The following KIF1B variants were observed in gnomAD, a reference collection of about 807,000 sequenced individuals.
KIF1B encodes the protein kinesin family member 1B, also known as kinesin-like protein KIF1B.
Under a neutral mutation model 241.9 loss-of-function variants are expected in KIF1B, and 76 were observed. The observed-to-expected ratio is 0.31, with a 90% confidence interval of 0.26 to 0.38. KIF1B has a LOEUF of 0.38. Among genes scored for constraint, KIF1B ranks in the 10% least tolerant of loss-of-function variants. The pLI, the probability that KIF1B is intolerant of heterozygous loss-of-function variation, is 1.00. For synonymous variants in KIF1B, 750 were observed against 796.7 expected, an observed-to-expected ratio of 0.94 and a Z score of 0.99; for missense variants, 1,622 against 2,271.4, an observed-to-expected ratio of 0.71 and a Z score of 5.81.
At chr1:10,357,982 C>T (rs1034540616) in intron 38 of KIF1B, among the ~76,000 whole-genome samples, 13 of 151,668 alleles carry the variant, frequency 8.6e-5, no homozygotes, top group Non-Finnish European at 2.9e-5. Context: ...GCACTCCAGC[C>T]TGGGTGACAA....
chr1:10,370,335 A>G (rs1168103225), intron 44 of KIF1B, among the ~76,000 whole-genome samples: 1 of 152,112 alleles, frequency 6.6e-6, no homozygotes, highest in African/African-American at 2.4e-5. Flanking sequence ...GTCAAGGTCG[A>G]TGGATCTCTT....
chr1:10,217,612 C>G (rs1646786583), intron 1 of KIF1B, among the ~76,000 whole-genome samples: 1 of 152,082 alleles, frequency 6.6e-6, no homozygotes, highest in Admixed American at 6.6e-5. Flanking sequence ...CCACCGCACC[C>G]AGCTGCTCTT....
chr1:10,317,182 G>A (rs913179352), intron 22 of KIF1B, among the ~76,000 whole-genome samples: 9 of 151,622 alleles, frequency 5.9e-5, no homozygotes, highest in South Asian at 2.1e-4. Context: ...CCCCATGCCT[G>A]GTAATTAGCT....
chr1:10,330,975 G>A (rs535881869), intron 27 of KIF1B, among the ~76,000 whole-genome samples: 18 of 152,100 alleles, frequency 1.2e-4, no homozygotes, highest in Non-Finnish European at 2.1e-4. Context: ...AATCAAAGGC[G>A]TGAGGCTGGG....
At position 10,326,063 on chromosome 1, in the gene KIF1B, A is replaced by C. The variant is rs377005925; in HGVS notation, c.2676-48A>C. ...CCTATTGCTTCCTGTTTAACCAACT[A>C]TTCCTCTCTCCCTGGCTGTGTTAAT... On this transcript the variant is annotated intron_variant, in intron 26 of 48. Coordinates refer to ENST00000676179, the MANE Select transcript of KIF1B (RefSeq NM_001365951.3). This position sits in a 1 kb window ranked among gnomAD's most constrained non-coding sequence, Gnocchi z 5.2. 12 of 1,611,488 alleles carry C rather than the reference A, an allele frequency of 7.4e-6. No individual in the cohort carries two copies. The highest frequency in any genetic ancestry group is 1.0e-5 in the Non-Finnish European group (12 of 1,179,618).
At chr1:10,260,855 G>A (rs184386161) in intron 4 of KIF1B, among the ~76,000 whole-genome samples, 10 of 145,814 alleles carry the variant, frequency 6.9e-5, no homozygotes, top group African/African-American at 2.5e-4. Flanking sequence ...CAACAAGAGT[G>A]AAACTCGGTC....
intron 22 of KIF1B, chr1:10,308,373 G>A: frequency 2.9e-6 from 3 of 1,050,748 alleles, no homozygotes; most frequent in African/African-American, 1.7e-5. Flanking sequence ...AACCACTTTT[G>A]ATTGTGAAAT....
intron 16 of KIF1B, among the ~76,000 whole-genome samples, chr1:10,291,439 G>A (rs559007391): frequency 2.0e-5 from 3 of 152,060 alleles, no homozygotes; most frequent in Non-Finnish European, 2.9e-5. Context: ...GGCCAGGCGC[G>A]GTGGCTCACG....
intron 22 of KIF1B, among the ~76,000 whole-genome samples, chr1:10,316,416 T>C (rs1457726152): frequency 4.0e-5 from 6 of 151,724 alleles, no homozygotes; most frequent in East Asian, 1.9e-4. Flanking sequence ...TAAATAGATA[T>C]CTGGGCATGG....
At chr1:10,371,108 G>A (rs1638720169) in intron 44 of KIF1B, 33 bp from the exon 45 acceptor site, 1 of 1,613,946 alleles carries the variant, frequency 6.2e-7, no homozygotes, top group African/African-American at 1.3e-5. Flanking sequence ...TTTTTCAGCT[G>A]AATGTAACTT....
intron 2 of KIF1B, among the ~76,000 whole-genome samples, chr1:10,233,442 T>A (rs1045572144): frequency 5.3e-5 from 8 of 152,096 alleles, no homozygotes; most frequent in Admixed American, 3.3e-4. Flanking sequence ...TTCATGTCAC[T>A]GCACTCCAGA....
In KIF1B at chr1:10,296,645, A is replaced by G; in HGVS notation, c.1841A>G (p.Gln614Arg). The change falls in exon 20 of 49, where the codon CAG becomes CGG. Residue 614 changes from glutamine to arginine, a missense_variant. Gln to Arg is a conservative substitution (Grantham distance 43). Transcript: ENST00000676179. ...ETYVNGKRVS[Q>R]PVQLRSGNRI... ...TACGTAAATGGCAAGAGGGTGTCCC[A>G]GCCTGTTCAGCTGCGCTCAGGTGAG... 6.2e-7 allele frequency: 1 copy of G among 1,614,014 alleles called. No individual in the cohort carries two copies. The highest frequency in any genetic ancestry group is 2.2e-5 in the East Asian group (1 of 44,876).
intron 1 of KIF1B, among the ~76,000 whole-genome samples, chr1:10,226,260 T>C (rs1406622342): frequency 6.6e-6 from 1 of 152,134 alleles, no homozygotes; most frequent in African/African-American, 2.4e-5. Flanking sequence ...AGAGCTGGTA[T>C]TGTTTTGGGG....
chr1:10,282,397 C>G lies in KIF1B; in HGVS notation c.1298C>G (p.Thr433Arg), dbSNP rs370656430. 2.1e-5 allele frequency: 34 copies of G among 1,614,198 alleles called. No homozygotes were observed. The highest frequency in any genetic ancestry group is 2.7e-5 in the Non-Finnish European group (32 of 1,180,030). ...AATCAACGCCCTGGCCATTTTTCCA[C>G]AGCATCCATGGGGTCCCTCACTTCA... Reference protein sequence around the residue: ...SENQRPGHFSTASMGSLTSSP... With the variant: ...SENQRPGHFSRASMGSLTSSP... Residue 433 changes from threonine (T) to arginine (R), a missense_variant, in exon 15 of 49, where the codon ACA (threonine) becomes AGA (arginine). Thr to Arg is a moderately conservative substitution (Grantham distance 71). This residue lies in a region of KIF1B where 201 missense variants were observed against 301.2 expected (regional missense o/e 0.67). Coordinates refer to ENST00000676179, the MANE Select transcript of KIF1B (RefSeq NM_001365951.3).
intron 2 of KIF1B, among the ~76,000 whole-genome samples, chr1:10,251,076 G>T (rs923748346): frequency 6.6e-6 from 1 of 152,146 alleles, no homozygotes; most frequent in Admixed American, 6.5e-5. Context: ...TGAGACAGGA[G>T]AATCGCTTGA....
At chr1:10,355,471 T>G (rs535854107) in intron 38 of KIF1B, 6 of 152,762 alleles carry the variant, frequency 3.9e-5, no homozygotes, top group African/African-American at 1.4e-4. Flanking sequence ...TGCTTTGCCA[T>G]TTTAATTTTG....
At position 10,368,394 on chromosome 1, in the gene KIF1B, G is replaced by C; in HGVS notation, c.4753-73G>C. 6 of 1,273,030 alleles carry C rather than the reference G, an allele frequency of 4.7e-6. No homozygotes were observed. In the South Asian group the frequency reaches 7.1e-5, roughly 15 times the overall value. The allele number at this position is 1,273,030 out of a possible 1,614,324, so 78.9% of individuals were successfully genotyped here. ...AACTCAGCCCTTCAGGAGCCTCCAC[G>C]TGGTCAGCTATCCCAAGGCTCCTGG... On this transcript the variant is annotated intron_variant, in intron 43 of 48. Coordinates refer to ENST00000676179, the MANE Select transcript of KIF1B (RefSeq NM_001365951.3).
chr1:10,362,359 C>T (rs141249215), intron 40 of KIF1B, among the ~76,000 whole-genome samples: 1 of 151,778 alleles, frequency 6.6e-6, no homozygotes, highest in African/African-American at 2.4e-5. Flanking sequence ...ACCTGTAGTC[C>T]CAGCTACTCA....
At position 10,380,713 on chromosome 1, in the gene KIF1B, A is replaced by G. The variant is rs909451621; in HGVS notation, c.*4126A>G. The G allele has an allele frequency of 1.4e-5, 3 of 209,488 alleles. No individual in the cohort carries two copies. The highest frequency in any genetic ancestry group is 1.9e-5 in the Non-Finnish European group (2 of 102,822). The allele number at this position is 209,488 out of a possible 1,614,324, so 13.0% of individuals were successfully genotyped here. A position where few individuals can be genotyped will look rare whatever the true frequency, so the allele number is the denominator to read the frequency against. On this transcript the variant is annotated 3_prime_UTR_variant, in exon 49 of 49. Coordinates refer to ENST00000676179, the MANE Select transcript of KIF1B (RefSeq NM_001365951.3). ...AAAGCAGGACTCCGTCTCAAAAAAA[A>G]AGAAAAGATTCATGATGCTGCTGCT...
Sources: allele counts gnomAD v4.1 joint callset (sites outside exome capture counted in the v4.1 genomes callset), GRCh38; gene constraint gnomAD v4.1.1; regional missense constraint gnomAD v4.1.1; non-coding constraint Gnocchi (gnomAD v3.1); transcripts MANE v1.5; gene names NCBI Gene and HGNC (gene_info 2026-07-23, HGNC 2026-07-21).